KCNIP1: variants seen among roughly 807,000 people sequenced by gnomAD.
KCNIP1 encodes the protein A-type potassium channel modulatory protein KCNIP1.
KCNIP1 carries 18 observed loss-of-function variants against 33.0 expected under a neutral mutation model. That is an observed-to-expected ratio of 0.55 (90% confidence interval 0.38 to 0.81). The LOEUF is 0.81. KCNIP1 is among the 30% of genes least tolerant of loss of function. KCNIP1 has a pLI of 0.00. For synonymous variants in KCNIP1, 93 were observed against 98.3 expected, an observed-to-expected ratio of 0.95 and a Z score of 0.32; for missense variants, 238 against 271.6, an observed-to-expected ratio of 0.88 and a Z score of 0.87.
intron 1 of KCNIP1, among the ~76,000 whole-genome samples, chr5:170,601,557 A>G (rs187326292): frequency 1.3e-5 from 2 of 152,374 alleles, no homozygotes; most frequent in Admixed American, 1.3e-4. Context: ...TTAAAAAGCC[A>G]TGCGAGACGG....
At chr5:170,638,893 C>A (rs375146684) in intron 1 of KCNIP1, among the ~76,000 whole-genome samples, 1 of 152,226 alleles carries the variant, frequency 6.6e-6, no homozygotes. Context: ...CAGCAGAGGG[C>A]AGCAGCAGCC....
intron 1 of KCNIP1, among the ~76,000 whole-genome samples, chr5:170,599,210 C>T (rs946047437): frequency 2.6e-5 from 4 of 152,112 alleles, no homozygotes; most frequent in African/African-American, 9.7e-5. Context: ...CAGCAATTAA[C>T]ATGAGCTAAA....
intron 1 of KCNIP1, among the ~76,000 whole-genome samples, chr5:170,563,880 A>AG (rs1757122061): frequency 6.6e-6 from 1 of 152,160 alleles, no homozygotes; most frequent in Admixed American, 6.5e-5. Context: ...CCTTGTGATC[A>AG]GCCCGCCTGA....
At chr5:170,442,546 C>G (rs1347609268) in intron 1 of KCNIP1, among the ~76,000 whole-genome samples, 1 of 152,152 alleles carries the variant, frequency 6.6e-6, no homozygotes. Flanking sequence ...CAGGGAAAGG[C>G]CTTCTAGCTC....
At chr5:170,460,782 C>A (rs988675868) in intron 1 of KCNIP1, among the ~76,000 whole-genome samples, 1 of 152,102 alleles carries the variant, frequency 6.6e-6, no homozygotes, top group Non-Finnish European at 1.5e-5. Flanking sequence ...TCTTCTTCAA[C>A]CTAGTAATGG....
At chr5:170,433,831 G>C (rs1755798702) in intron 1 of KCNIP1, among the ~76,000 whole-genome samples, 1 of 152,206 alleles carries the variant, frequency 6.6e-6, no homozygotes, top group African/African-American at 2.4e-5. Context: ...TTGAGGCTCA[G>C]AACAAGGCAC....
intron 1 of KCNIP1, among the ~76,000 whole-genome samples, chr5:170,716,819 G>A (rs1450537244): frequency 1.3e-5 from 2 of 152,198 alleles, no homozygotes; most frequent in Non-Finnish European, 2.9e-5. Flanking sequence ...TTCAGTCACA[G>A]GAAGATCAAG....
chr5:170,524,275 T>G (rs1326611614), intron 1 of KCNIP1, among the ~76,000 whole-genome samples: 1 of 152,200 alleles, frequency 6.6e-6, no homozygotes, highest in African/African-American at 2.4e-5. Context: ...TCCCCTGCCC[T>G]GCTTGTGACA....
At chr5:170,702,729 G>A (rs1385976824) in intron 1 of KCNIP1, among the ~76,000 whole-genome samples, 1 of 152,170 alleles carries the variant, frequency 6.6e-6, no homozygotes, top group Non-Finnish European at 1.5e-5. Context: ...AGCAGATGAT[G>A]TGATTAGTCT....
intron 1 of KCNIP1, among the ~76,000 whole-genome samples, chr5:170,386,168 G>T (rs1312256505): frequency 1.3e-5 from 2 of 152,054 alleles, no homozygotes; most frequent in African/African-American, 4.8e-5. Flanking sequence ...TCTTGAAATG[G>T]GGAGACAATA....
At chr5:170,605,202 AT>A (rs879266680) in intron 1 of KCNIP1, among the ~76,000 whole-genome samples, 2 of 131,530 alleles carry the variant, frequency 1.5e-5, no homozygotes, top group Non-Finnish European at 3.6e-5. Flanking sequence ...ACCCTCCCTT[AT>A]CATGTGCCCC....
chr5:170,578,881 G>A (rs954041560), intron 1 of KCNIP1, among the ~76,000 whole-genome samples: 2 of 152,240 alleles, frequency 1.3e-5, no homozygotes, highest in Admixed American at 6.5e-5. Flanking sequence ...GAGATTGGGA[G>A]CGTAAGATTC....
At chr5:170,580,326 T>C (rs972470828) in intron 1 of KCNIP1, among the ~76,000 whole-genome samples, 2 of 152,226 alleles carry the variant, frequency 1.3e-5, no homozygotes, top group African/African-American at 4.8e-5. Context: ...TGGTAATAAC[T>C]AACATCAAAT....
At position 170,586,598 on chromosome 5, in the gene KCNIP1, A is replaced by C. The variant is rs995436236; in HGVS notation, c.61+81965A>C. Among the ~76,000 whole-genome samples, 2 of 152,298 alleles carry C rather than the reference A, an allele frequency of 1.3e-5. 1 individual carries two copies. Among genetic ancestry groups the C allele is most frequent in the South Asian group, 4.1e-4 (2 of 4,822 alleles). ...TGGGGAAAGTTACCTCATCTCTCTG[A>C]GTCTGGGTCTCAGTCCCTCATCTTC... On this transcript the variant is annotated intron_variant, in intron 1 of 7. Coordinates refer to ENST00000328939, the MANE Select transcript of KCNIP1 (RefSeq NM_014592.4).
At chr5:170,371,925 T>C (rs1436383860) in intron 1 of KCNIP1, among the ~76,000 whole-genome samples, 1 of 152,200 alleles carries the variant, frequency 6.6e-6, no homozygotes, top group Non-Finnish European at 1.5e-5. Flanking sequence ...TCTTCCCCCC[T>C]ACTGATACCA....
At chr5:170,574,543 G>A (rs1757529685) in intron 1 of KCNIP1, among the ~76,000 whole-genome samples, 1 of 152,202 alleles carries the variant, frequency 6.6e-6, no homozygotes, top group South Asian at 2.1e-4. Context: ...GATATGGCAG[G>A]CTCGCCAAGC....
intron 1 of KCNIP1, among the ~76,000 whole-genome samples, chr5:170,671,042 A>C (rs868313865): frequency 1.3e-5 from 2 of 152,038 alleles, no homozygotes; most frequent in South Asian, 2.1e-4. Context: ...CCACCTTGTC[A>C]CTGTGTCTTC....
chr5:170,506,819 C>T (rs571747864), intron 1 of KCNIP1, among the ~76,000 whole-genome samples: 66 of 152,308 alleles, frequency 4.3e-4, no homozygotes, highest in African/African-American at 1.3e-3. Context: ...AGCCCACTGG[C>T]GTGAGTTGTC....
chr5:170,705,113 C>A (rs1311413191), intron 1 of KCNIP1, among the ~76,000 whole-genome samples: 1 of 152,136 alleles, frequency 6.6e-6, no homozygotes, highest in Non-Finnish European at 1.5e-5. Context: ...ATAAAATATG[C>A]CCAATTGTGA....
Sources: gnomAD v4.1 joint callset for allele counts (sites outside exome capture counted in the v4.1 genomes callset) on GRCh38, gnomAD v4.1.1 for gene constraint, MANE v1.5 for transcripts, NCBI Gene and HGNC (gene_info 2026-07-23, HGNC 2026-07-21) for gene names.